Variants in ANKS1B observed in about 807,000 individuals in gnomAD.
ANKS1B encodes ankyrin repeat and sterile alpha motif domain-containing protein 1B.
Under a neutral mutation model 148.3 loss-of-function variants are expected in ANKS1B, and 36 were observed. The observed-to-expected ratio is 0.24, with a 90% CI of 0.19 to 0.32. The LOEUF (loss-of-function observed/expected upper bound fraction) is 0.32, where lower values mean the gene tolerates loss of function less well. Ranked by LOEUF, ANKS1B falls within the 10% of genes least tolerant of loss-of-function variation. ANKS1B has a pLI of 1.00. For synonymous variants in ANKS1B, 542 were observed against 560.8 expected (o/e 0.97, Z 0.47); for missense variants, 1,157 against 1,542.6 (o/e 0.75, Z 4.19).
At chr12:99,835,998 A>G (rs2084798489) in intron 1 of ANKS1B, among the ~76,000 whole-genome samples, 1 of 152,250 alleles carries the variant, frequency 6.6e-6, no homozygotes, top group Non-Finnish European at 1.5e-5. Flanking sequence ...CCCACATACT[A>G]TCCCATATGA....
rs3081654 is a variant in ANKS1B, at chr12:99,632,727, CTATATATATATATATATATATATATATA to C, written c.1272+22312_1272+22339del. On this transcript the variant is annotated intron_variant, in intron 9 of 26. Transcript: ENST00000683438. Reference sequence around the variant, plus strand: ...TTTGGCCTGTGTCTTCCTTTTCTTTCTATATATATATATATATATATATATATATATATATATATATTTTAATTATACT... The same window carrying C: ...TTTGGCCTGTGTCTTCCTTTTCTTTCTATATATATATATTTTAATTATACT... 1.1e-3 allele frequency among the ~76,000 whole-genome samples: 43 copies of C among 39,046 alleles called. 4 individuals carry two copies. The highest frequency in any genetic ancestry group is 7.3e-4 in the Non-Finnish European group (13 of 17,864). The allele number at this position is 39,046 out of a possible 152,430, so 25.6% of individuals were successfully genotyped here.
chr12:99,064,830 C>A (rs2043577539), intron 16 of ANKS1B, among the ~76,000 whole-genome samples: 1 of 152,120 alleles, frequency 6.6e-6, no homozygotes, highest in South Asian at 2.1e-4. Context: ...TTTGTTGTAC[C>A]TCTCCCTGAA....
intron 8 of ANKS1B, among the ~76,000 whole-genome samples, chr12:99,664,914 T>C (rs2098498365): frequency 1.3e-5 from 2 of 152,208 alleles, no homozygotes; most frequent in African/African-American, 4.8e-5. Flanking sequence ...CTCAGCCTAA[T>C]GTTTTTGAGA....
chr12:99,873,555 C>T (rs921506940), intron 1 of ANKS1B, among the ~76,000 whole-genome samples: 2 of 152,092 alleles, frequency 1.3e-5, no homozygotes, highest in Non-Finnish European at 1.5e-5. Flanking sequence ...TAAAGATAGC[C>T]GTTATTTTAT....
intron 14 of ANKS1B, among the ~76,000 whole-genome samples, chr12:99,231,682 TG>T (rs1259756390): frequency 1.3e-5 from 2 of 151,932 alleles, no homozygotes; most frequent in Admixed American, 1.3e-4. Flanking sequence ...TAGAGTTTGG[TG>T]GGTGATATTG....
intron 9 of ANKS1B, among the ~76,000 whole-genome samples, chr12:99,633,844 AAAG>A (rs1357341697): frequency 1.3e-5 from 2 of 152,220 alleles, no homozygotes; most frequent in African/African-American, 4.8e-5. Context: ...ACACTTCTCA[AAAG>A]AAGACATTTA....
intron 1 of ANKS1B, among the ~76,000 whole-genome samples, chr12:99,869,744 G>A (rs1406833447): frequency 6.6e-6 from 1 of 150,860 alleles, no homozygotes; most frequent in Non-Finnish European, 1.5e-5. Flanking sequence ...AACAAGTGGT[G>A]CTGGTTCAAA....
At chr12:98,810,490 C>A (rs889813744) in intron 19 of ANKS1B, among the ~76,000 whole-genome samples, 3 of 152,208 alleles carry the variant, frequency 2.0e-5, no homozygotes, top group African/African-American at 7.2e-5. Context: ...GTACCCGTCT[C>A]TGGGGTCTTG....
Position 99,126,480 on chromosome 12 carries a change from T to A in ANKS1B, c.2526+27809A>T, listed in dbSNP as rs540121716. 1.6e-4 allele frequency among the ~76,000 whole-genome samples: 25 copies of A among 152,180 alleles called. 1 individual carries two copies. The highest frequency in any genetic ancestry group is 6.0e-4 in the African/African-American group (25 of 41,472). On this transcript the variant is annotated intron_variant, in intron 15 of 26. Coordinates refer to ENST00000683438, the MANE Select transcript of ANKS1B (RefSeq NM_001352186.2). ...CCGTAAAATATTCATTTCTTTCATA[T>A]AGAAATAATAGAGTCTCCCCCTCCC...
At chr12:99,605,558 C>A (rs2097845573) in intron 9 of ANKS1B, among the ~76,000 whole-genome samples, 1 of 151,982 alleles carries the variant, frequency 6.6e-6, no homozygotes, top group Admixed American at 6.6e-5. Flanking sequence ...TTTTTTAGCT[C>A]CCACATATGA....
chr12:98,756,639 T>G (rs1293941980), intron 25 of ANKS1B, among the ~76,000 whole-genome samples: 1 of 150,538 alleles, frequency 6.6e-6, no homozygotes, highest in Non-Finnish European at 1.5e-5. Context: ...GGCAGGAGAA[T>G]TGCTTGAACC....
At chr12:99,343,481 G>A (rs7960340) in intron 12 of ANKS1B, among the ~76,000 whole-genome samples, 21,075 of 151,854 alleles carry the variant, frequency 0.14, 1,591 homozygotes, top group African/African-American at 0.18. Context: ...CCAGCATAAG[G>A]CTAATCCCTT....
chr12:99,783,985 C>T (rs74464008), intron 4 of ANKS1B, among the ~76,000 whole-genome samples: 1,868 of 151,922 alleles, frequency 0.012, 43 homozygotes, highest in African/African-American at 0.042. Flanking sequence ...CTCTGTACCC[C>T]TAAATATGTA....
At position 99,772,904 on chromosome 12, in the gene ANKS1B, C is replaced by A; in HGVS notation, c.1128+18G>T. 2 of 1,592,728 alleles carry A rather than the reference C, an allele frequency of 1.3e-6. No homozygotes were observed. Among genetic ancestry groups the A allele is most frequent in the South Asian group, 1.1e-5 (1 of 87,342 alleles). Reference sequence around the variant, plus strand: ...CAAAGACAGACACATTATCTTCATTCCCCCCCGCCTTACTTACTACACTCT... The same window carrying A: ...CAAAGACAGACACATTATCTTCATTACCCCCCGCCTTACTTACTACACTCT... On this transcript the variant is annotated intron_variant, in intron 8 of 26. Transcript: ENST00000683438.
At chr12:99,631,665 G>A (rs2098162442) in intron 9 of ANKS1B, among the ~76,000 whole-genome samples, 1 of 152,104 alleles carries the variant, frequency 6.6e-6, no homozygotes, top group African/African-American at 2.4e-5. Flanking sequence ...AGGGCTTTGG[G>A]GAAGGCAAAA....
At chr12:99,338,729 G>T (rs532414053) in intron 12 of ANKS1B, among the ~76,000 whole-genome samples, 1 of 152,274 alleles carries the variant, frequency 6.6e-6, no homozygotes, top group East Asian at 1.9e-4. Context: ...GGGCTCTTTA[G>T]CCAGCAGGTG....
At chr12:98,791,051 C>T (rs1000429653) in intron 22 of ANKS1B, among the ~76,000 whole-genome samples, 1 of 152,150 alleles carries the variant, frequency 6.6e-6, no homozygotes, top group African/African-American at 2.4e-5. Context: ...CGTAAGAAAA[C>T]ATTCACAATG....
At chr12:99,762,790 T>G (rs1236632188) in intron 8 of ANKS1B, among the ~76,000 whole-genome samples, 2 of 152,026 alleles carry the variant, frequency 1.3e-5, no homozygotes, top group South Asian at 2.1e-4. Context: ...ATCCAGAATC[T>G]ATAAGGAACT....
At chr12:98,933,478 T>C (rs750918757) in intron 17 of ANKS1B, among the ~76,000 whole-genome samples, 2 of 152,110 alleles carry the variant, frequency 1.3e-5, no homozygotes, top group African/African-American at 2.4e-5. Flanking sequence ...AATACCTCTT[T>C]AGATCCTGAT....
Sources: gnomAD v4.1 joint callset for allele counts (sites outside exome capture counted in the v4.1 genomes callset) on GRCh38, gnomAD v4.1.1 for gene constraint, MANE v1.5 for transcripts, NCBI Gene and HGNC (gene_info 2026-07-23, HGNC 2026-07-21) for gene names.